DMRTA2: variants seen among roughly 807,000 people sequenced by gnomAD.
The protein encoded by DMRTA2 is doublesex- and mab-3-related transcription factor A2.
DMRTA2 carries 10 observed loss-of-function variants against 29.7 expected under a neutral mutation model. That is an observed-to-expected ratio of 0.34 (90% confidence interval 0.21 to 0.57). The LOEUF (loss-of-function observed/expected upper bound fraction) is 0.57. Ranked by LOEUF, DMRTA2 falls within the 20% of genes least tolerant of loss-of-function variation. DMRTA2 has a pLI of 0.87. For synonymous variants in DMRTA2, 469 were observed against 402.6 expected (o/e 1.16, Z -1.97); for missense variants, 783 against 812.1 (o/e 0.96, Z 0.44).
At position 50,421,106 on chromosome 1, in the gene DMRTA2, G is replaced by A; in HGVS notation, c.431C>T (p.Ala144Val). ...GGGCCTCGGGGGGATGATGCCGTTG[G>A]CGGCGGCCAGCGCCAGCCCCTCGGC... ...GTAEGLALAA[A>V]NGIIPPRPAY... The change falls in exon 2 of 3, where the codon GCC becomes GTC. Residue 144 changes from alanine (A) to valine (V), a missense_variant. By Grantham distance (64) the Ala-to-Val change is moderately conservative. Around this residue, in one of 3 missense-constraint regions of DMRTA2, gnomAD observed 667 missense variants for 624.8 expected, o/e 1.07. Coordinates refer to ENST00000404795, the MANE Select transcript of DMRTA2 (RefSeq NM_032110.3). The surrounding 1 kb of genome is among the most constrained non-coding windows in gnomAD (Gnocchi z 8.7). The A allele has an allele frequency of 6.6e-7, 1 of 1,525,052 alleles. No individual in the cohort carries two copies. Among genetic ancestry groups the A allele is most frequent in the South Asian group, 1.2e-5 (1 of 82,618 alleles). The allele number at this position is 1,525,052 out of a possible 1,614,324, so 94.5% of individuals were successfully genotyped here.
rs113089675 is a variant in DMRTA2, at chr1:50,420,539, GAACCTAGGGCGTCTCAA to G, written c.559+422_559+438del. On this transcript the variant is annotated intron_variant, in intron 2 of 2. Coordinates refer to ENST00000404795, the MANE Select transcript of DMRTA2 (RefSeq NM_032110.3). The surrounding 1 kb of genome is among the most constrained non-coding windows in gnomAD (Gnocchi z 4.1). ...GGGGAAAAGAAACTAGGGCGTCTCA[GAACCTAGGGCGTCTCAA>G]AACCTAGGGTGTCAGTTAAAGGGGG... Among the ~76,000 whole-genome samples, 1,827 of 152,120 alleles carry G rather than the reference GAACCTAGGGCGTCTCAA, an allele frequency of 0.012. 30 individuals carry two copies. Among genetic ancestry groups the G allele is most frequent in the African/African-American group, 0.038 (1,584 of 41,432 alleles).
At position 50,418,645 on chromosome 1, in the gene DMRTA2, C is replaced by G. The variant is rs1044899089; in HGVS notation, c.*20G>C. ...CTGGGGTTCCTGTTTGGGGACCGGC[C>G]GGCTGCCAGGCCCCTCGCCCTACTG... On this transcript the variant is annotated 3_prime_UTR_variant, in exon 3 of 3. Coordinates refer to ENST00000404795, the MANE Select transcript of DMRTA2 (RefSeq NM_032110.3). The G allele has an allele frequency of 4.4e-6, 6 of 1,369,510 alleles. No individual in the cohort carries two copies. The South Asian group carries it at 5.3e-5, about 12-fold the overall frequency. 84.8% of individuals were successfully genotyped at this position (1,369,510 alleles called of 1,614,324 possible).
chr1:50,422,454 G>T lies in DMRTA2; in HGVS notation c.-9+662C>A, dbSNP rs1282422192. Among the ~76,000 whole-genome samples, 1 of 152,176 alleles carries T rather than the reference G, an allele frequency of 6.6e-6. No individual in the cohort carries two copies. Among genetic ancestry groups the T allele is most frequent in the Non-Finnish European group, 1.5e-5 (1 of 68,036 alleles). ...CTGATCTGGGTGTCCGGGATCCAGG[G>T]GCCGCGCCTGGGAGAGGGGAATGTG... On this transcript the variant is annotated intron_variant, in intron 1 of 2. Transcript: ENST00000404795. This position sits in a 1 kb window ranked among gnomAD's most constrained non-coding sequence, Gnocchi z 5.7.
rs1646036507 is a variant in DMRTA2, at chr1:50,421,306, G to C, written c.231C>G (p.Gly77=). Residue 77 remains glycine (G), a synonymous_variant, in exon 2 of 3, where the codon GGC becomes GGG. Transcript: ENST00000404795. The surrounding 1 kb of genome is among the most constrained non-coding windows in gnomAD (Gnocchi z 8.7). ...TGTGGCCCTTGAGGGCCGACACCAC[G>C]CCATGGTTGCGACAGCGCGCGCACT... ...TPKCARCRNH[G]VVSALKGHKR... is the part of the protein sequence containing the mutation. The C allele has an allele frequency of 6.5e-7, 1 of 1,531,268 alleles. No individual in the cohort carries two copies. Among genetic ancestry groups the C allele is most frequent in the East Asian group, 2.6e-5 (1 of 37,910 alleles). The allele number at this position is 1,531,268 out of a possible 1,614,324, so 94.9% of individuals were successfully genotyped here. A position where few individuals can be genotyped will look rare whatever the true frequency, so the allele number is the denominator to read the frequency against.
chr1:50,421,079 G>A lies in DMRTA2; in HGVS notation c.458C>T (p.Ala153Val). 6.6e-7 allele frequency: 1 copy of A among 1,522,228 alleles called. No individual in the cohort carries two copies. Among genetic ancestry groups the A allele is most frequent in the Non-Finnish European group, 8.8e-7 (1 of 1,140,292 alleles). The allele number at this position is 1,522,228 out of a possible 1,614,324, so 94.3% of individuals were successfully genotyped here. The change falls in exon 2 of 3, where the codon GCC becomes GTC. Residue 153 changes from alanine to valine, a missense_variant. By Grantham distance (64) the Ala-to-Val change is moderately conservative. Coordinates refer to ENST00000404795, the MANE Select transcript of DMRTA2 (RefSeq NM_032110.3). The surrounding 1 kb of genome is among the most constrained non-coding windows in gnomAD (Gnocchi z 8.7). The stretch of plus-strand genomic sequence containing the variant: ...GCACACTGAACCGAAGACCTCGTAG[G>A]CGGGCCTCGGGGGGATGATGCCGTT... ...AANGIIPPRP[A>V]YEVFGSVCAA...
rs1557939588 is a variant in DMRTA2 at position 50,419,107 on chromosome 1, G to A, written c.1187C>T (p.Ala396Val). The A allele has an allele frequency of 1.3e-6, 1 of 783,304 alleles. No individual in the cohort carries two copies. Among genetic ancestry groups the A allele is most frequent in the East Asian group, 6.2e-5 (1 of 16,208 alleles). 48.5% of individuals were successfully genotyped at this position (783,304 alleles called of 1,614,324 possible). ...RVDAAAAAAA[A>V]AGGPGLPAPL... ...CGCAGGCAGCCCAGGCCCCCCGGCG[G>A]CGGCGGCGGCGGCGGCGGCGGCGTC... The change falls in exon 3 of 3, where the codon GCC becomes GTC. Residue 396 changes from alanine (A) to valine (V), a missense_variant. Ala to Val is a moderately conservative substitution (Grantham distance 64). Transcript: ENST00000404795. This position sits in a 1 kb window ranked among gnomAD's most constrained non-coding sequence, Gnocchi z 6.1.
Position 50,418,992 on chromosome 1 carries a change from G to A in DMRTA2, c.1302C>T (p.Ser434=). 1 of 1,422,750 alleles carries A rather than the reference G, an allele frequency of 7.0e-7. No individual in the cohort carries two copies. Among genetic ancestry groups the A allele is most frequent in the Non-Finnish European group, 9.1e-7 (1 of 1,094,056 alleles). The allele number at this position is 1,422,750 out of a possible 1,614,324, so 88.1% of individuals were successfully genotyped here. A position where few individuals can be genotyped will look rare whatever the true frequency, so the allele number is the denominator to read the frequency against. Residue 434 remains serine (S), a synonymous_variant, in exon 3 of 3, where the codon AGC becomes AGT. Coordinates refer to ENST00000404795, the MANE Select transcript of DMRTA2 (RefSeq NM_032110.3). ...GCTGCAGCGGCGAGAAGGCCGAGCGGCTGCTCAGCGAGCCCAGCGCCCCAG... is the reference window on the plus strand; with the variant it reads ...GCTGCAGCGGCGAGAAGGCCGAGCGACTGCTCAGCGAGCCCAGCGCCCCAG... The part of the protein sequence containing the change: ...MAPGALGSLS[S]RSAFSPLQPN...
chr1:50,418,434 A>G lies in DMRTA2; in HGVS notation c.*231T>C. ...AAGAGGGATCCGGAGGTAGGAGATG[A>G]GGACCCAGGCCGCGCACCCCCTCCG... On this transcript the variant is annotated 3_prime_UTR_variant, in exon 3 of 3. Coordinates refer to ENST00000404795, the MANE Select transcript of DMRTA2 (RefSeq NM_032110.3). The G allele has an allele frequency of 5.2e-6, 2 of 383,386 alleles. No individual in the cohort carries two copies. Among genetic ancestry groups the G allele is most frequent in the South Asian group, 1.4e-4 (1 of 7,010 alleles). 23.7% of individuals were successfully genotyped at this position (383,386 alleles called of 1,614,324 possible). A position where few individuals can be genotyped will look rare whatever the true frequency, so the allele number is the denominator to read the frequency against.
rs1210654237 is a variant in DMRTA2 at position 50,421,354 on chromosome 1, G to C, written c.183C>G (p.Ala61=). The C allele has an allele frequency of 4.0e-6, 6 of 1,517,698 alleles. No individual in the cohort carries two copies. Among genetic ancestry groups the C allele is most frequent in the Non-Finnish European group, 5.3e-6 (6 of 1,133,072 alleles). The allele number at this position is 1,517,698 out of a possible 1,614,324, so 94.0% of individuals were successfully genotyped here. A position where few individuals can be genotyped will look rare whatever the true frequency, so the allele number is the denominator to read the frequency against. The change falls in exon 2 of 3, where the codon GCC becomes GCG. Residue 61 remains alanine (A), a synonymous_variant. Coordinates refer to ENST00000404795, the MANE Select transcript of DMRTA2 (RefSeq NM_032110.3). This position sits in a 1 kb window ranked among gnomAD's most constrained non-coding sequence, Gnocchi z 8.7. The part of the protein sequence containing the change: ...LRGPPLLLRA[A]EKYPRTPKCA... Reference sequence around the variant, plus strand: ...ACTTGGGGGTCCGCGGGTACTTCTCGGCTGCCCGCAGCAACAGTGGCGGCC... The same window carrying C: ...ACTTGGGGGTCCGCGGGTACTTCTCCGCTGCCCGCAGCAACAGTGGCGGCC...
Position 50,419,071 on chromosome 1 carries a change from G to A in DMRTA2, c.1223C>T (p.Ala408Val), listed in dbSNP as rs1374421815. 7 of 1,265,348 alleles carry A rather than the reference G, an allele frequency of 5.5e-6. No individual in the cohort carries two copies. Among genetic ancestry groups the A allele is most frequent in the East Asian group, 3.4e-5 (1 of 29,148 alleles). The allele number at this position is 1,265,348 out of a possible 1,614,324, so 78.4% of individuals were successfully genotyped here. The change falls in exon 3 of 3, where the codon GCG (alanine) becomes GTG (valine). Residue 408 changes from alanine (A) to valine (V), a missense_variant. By Grantham distance (64) the Ala-to-Val change is moderately conservative (BLOSUM62 0). This residue lies in a region of DMRTA2 where 667 missense variants were observed against 624.8 expected (regional missense o/e 1.07). Coordinates refer to ENST00000404795, the MANE Select transcript of DMRTA2 (RefSeq NM_032110.3). The surrounding 1 kb of genome is among the most constrained non-coding windows in gnomAD (Gnocchi z 6.1). Reference sequence around the variant, plus strand: ...GTGGTGCGGAGGTGCGGCGGGCCCCGCCTGCAGCGGCGCAGGCAGCCCAGG... The same window carrying A: ...GTGGTGCGGAGGTGCGGCGGGCCCCACCTGCAGCGGCGCAGGCAGCCCAGG... ...GGPGLPAPLQ[A>V]GPAAPPHHRP...
chr1:50,418,731 G>A lies in DMRTA2; in HGVS notation c.1563C>T (p.His521=). ...GGCCGCCGCCGTAGGTCGGCTCCTT[G>A]TGCACCGCCGCAGCAGCGGCGGCCG... ...DRSAAAAAAV[H]KEPTYGGGLY... Residue 521 remains histidine, a synonymous_variant, in exon 3 of 3, where the codon CAC becomes CAT. Coordinates refer to ENST00000404795, the MANE Select transcript of DMRTA2 (RefSeq NM_032110.3). 1.3e-6 allele frequency: 2 copies of A among 1,546,544 alleles called. No individual in the cohort carries two copies. Among genetic ancestry groups the A allele is most frequent in the Non-Finnish European group, 1.7e-6 (2 of 1,150,794 alleles).
rs187669043 is a variant in DMRTA2, at chr1:50,422,041, G to A, written c.-8-497C>T. Among the ~76,000 whole-genome samples, 1 of 152,230 alleles carries A rather than the reference G, an allele frequency of 6.6e-6. No individual in the cohort carries two copies. Among genetic ancestry groups the A allele is most frequent in the Non-Finnish European group, 1.5e-5 (1 of 68,048 alleles). On this transcript the variant is annotated intron_variant, in intron 1 of 2. Coordinates refer to ENST00000404795, the MANE Select transcript of DMRTA2 (RefSeq NM_032110.3). This position sits in a 1 kb window ranked among gnomAD's most constrained non-coding sequence, Gnocchi z 5.7. Reference sequence around the variant, plus strand: ...GAGCAAAACGGTCAGTTTGGTGGAAGGGTGAAGAGGAGAGAGATGTGAAGG... The same window carrying A: ...GAGCAAAACGGTCAGTTTGGTGGAAAGGTGAAGAGGAGAGAGATGTGAAGG...
Position 50,423,309 on chromosome 1 carries a change from G to C in DMRTA2, c.-202C>G, listed in dbSNP as rs768635808. On this transcript the variant is annotated 5_prime_UTR_variant, in exon 1 of 3. Coordinates refer to ENST00000404795, the MANE Select transcript of DMRTA2 (RefSeq NM_032110.3). ...AGTCCAACCCTCCCTTCAGAAATCCGGGTCGGAGGCTCGTCTGCGGGCCGC... is the reference window on the plus strand; with the variant it reads ...AGTCCAACCCTCCCTTCAGAAATCCCGGTCGGAGGCTCGTCTGCGGGCCGC... The C allele has an allele frequency of 1.2e-4, 19 of 152,216 alleles. No homozygotes were observed. The highest frequency in any genetic ancestry group is 2.2e-4 in the Non-Finnish European group (15 of 68,044). 9.4% of individuals were successfully genotyped at this position (152,216 alleles called of 1,614,324 possible).
chr1:50,419,583 T>G lies in DMRTA2; in HGVS notation c.711A>C (p.Ser237=). The change falls in exon 3 of 3, where the codon TCA becomes TCC. Residue 237 remains serine (S), a synonymous_variant. Transcript: ENST00000404795. The surrounding 1 kb of genome is among the most constrained non-coding windows in gnomAD (Gnocchi z 6.1). Reference sequence around the variant, plus strand: ...ACTCGCCATCGCCGTTCTCCGAGCCTGAGCCGGGCCGCACCTCTGGGGACG... The same window carrying G: ...ACTCGCCATCGCCGTTCTCCGAGCCGGAGCCGGGCCGCACCTCTGGGGACG... ...GTSSPEVRPG[S]GSENGDGESF... The G allele has an allele frequency of 7.7e-6, 12 of 1,555,536 alleles. No homozygotes were observed. The highest frequency in any genetic ancestry group is 1.0e-5 in the Non-Finnish European group (12 of 1,152,028).
Position 50,419,531 on chromosome 1 carries a change from C to G in DMRTA2, c.763G>C (p.Ala255Pro). The G allele has an allele frequency of 6.3e-7, 1 of 1,584,846 alleles. No homozygotes were observed. The highest frequency in any genetic ancestry group is 8.6e-7 in the Non-Finnish European group (1 of 1,168,414). The change falls in exon 3 of 3, where the codon GCC (alanine) becomes CCC (proline). Residue 255 changes from alanine (A) to proline (P), a missense_variant. By Grantham distance (27) the Ala-to-Pro change is conservative (BLOSUM62 -1). This residue lies in a region of DMRTA2 where 667 missense variants were observed against 624.8 expected (regional missense o/e 1.07). Coordinates refer to ENST00000404795, the MANE Select transcript of DMRTA2 (RefSeq NM_032110.3). The surrounding 1 kb of genome is among the most constrained non-coding windows in gnomAD (Gnocchi z 6.1). ...CAGCTGCCACCTGCCTCTTTGGAGG[C>G]CCGAGCTAGGGGCGAACCAGAAAAG... ...ESFSGSPLAR[A>P]SKEAGGSCPG...
At position 50,418,801 on chromosome 1, in the gene DMRTA2, C is replaced by T. The variant is rs755577114; in HGVS notation, c.1493G>A (p.Arg498His). ...GCTAAAGGCGTAGTCCATGGGTGGG[C>T]GGAAGCCGAGCGTGGGCACCAAGCC... The part of the protein sequence containing the change: ...TAGLVPTLGF[R>H]PPMDYAFSDL... Residue 498 changes from arginine (R) to histidine (H), a missense_variant, in exon 3 of 3, where the codon CGC becomes CAC. Physicochemically the swap from Arg to His is conservative, Grantham distance 29. Coordinates refer to ENST00000404795, the MANE Select transcript of DMRTA2 (RefSeq NM_032110.3). 17 of 1,586,712 alleles carry T rather than the reference C, an allele frequency of 1.1e-5. No homozygotes were observed. Among genetic ancestry groups the T allele is most frequent in the Middle Eastern group, 1.7e-4 (1 of 5,874 alleles).
At position 50,419,378 on chromosome 1, in the gene DMRTA2, C is replaced by T. The variant is rs1471012152; in HGVS notation, c.916G>A (p.Gly306Ser). 6.3e-7 allele frequency: 1 copy of T among 1,596,856 alleles called. No individual in the cohort carries two copies. Among genetic ancestry groups the T allele is most frequent in the East Asian group, 2.2e-5 (1 of 44,776 alleles). ...EGEAAPAPGL[G>S]GGSGPRQRTP... ...CGCTGCCGTGGACCCGAGCCTCCGCCCAGCCCTGGCGCCGGCGCGGCCTCA... is the reference window on the plus strand; with the variant it reads ...CGCTGCCGTGGACCCGAGCCTCCGCTCAGCCCTGGCGCCGGCGCGGCCTCA... Residue 306 changes from glycine (G) to serine (S), a missense_variant, in exon 3 of 3, where the codon GGC becomes AGC. By Grantham distance (56) the Gly-to-Ser change is moderately conservative. Around this residue, in one of 3 missense-constraint regions of DMRTA2, gnomAD observed 667 missense variants for 624.8 expected, o/e 1.07. Coordinates refer to ENST00000404795, the MANE Select transcript of DMRTA2 (RefSeq NM_032110.3). This position sits in a 1 kb window ranked among gnomAD's most constrained non-coding sequence, Gnocchi z 6.1.
Position 50,421,607 on chromosome 1 carries a change from A to T in DMRTA2, c.-8-63T>A. ...TGAGGAGCACACCGCGCGCTAGGCCAAAGCGCCGCCTTGAGGAACCCAAGC... is the reference window on the plus strand; with the variant it reads ...TGAGGAGCACACCGCGCGCTAGGCCTAAGCGCCGCCTTGAGGAACCCAAGC... On this transcript the variant is annotated intron_variant, in intron 1 of 2. Coordinates refer to ENST00000404795, the MANE Select transcript of DMRTA2 (RefSeq NM_032110.3). The surrounding 1 kb of genome is among the most constrained non-coding windows in gnomAD (Gnocchi z 8.7). 8.2e-7 allele frequency: 1 copy of T among 1,212,346 alleles called. No individual in the cohort carries two copies. The allele number at this position is 1,212,346 out of a possible 1,614,324, so 75.1% of individuals were successfully genotyped here. A position where few individuals can be genotyped will look rare whatever the true frequency, so the allele number is the denominator to read the frequency against.
Position 50,421,344 on chromosome 1 carries a change from G to C in DMRTA2, c.193C>G (p.Pro65Ala). The change falls in exon 2 of 3, where the codon CCG becomes GCG. Residue 65 changes from proline (P) to alanine (A), a missense_variant. Coordinates refer to ENST00000404795, the MANE Select transcript of DMRTA2 (RefSeq NM_032110.3). This position sits in a 1 kb window ranked among gnomAD's most constrained non-coding sequence, Gnocchi z 8.7. The part of the protein sequence containing the change: ...PLLLRAAEKY[P>A]RTPKCARCRN... Reference sequence around the variant, plus strand: ...CAGCGCGCGCACTTGGGGGTCCGCGGGTACTTCTCGGCTGCCCGCAGCAAC... The same window carrying C: ...CAGCGCGCGCACTTGGGGGTCCGCGCGTACTTCTCGGCTGCCCGCAGCAAC... 1.3e-6 allele frequency: 2 copies of C among 1,525,290 alleles called. No individual in the cohort carries two copies. The highest frequency in any genetic ancestry group is 1.8e-6 in the Non-Finnish European group (2 of 1,136,278). 94.5% of individuals were successfully genotyped at this position (1,525,290 alleles called of 1,614,324 possible).
Sources: gnomAD v4.1 joint callset for allele counts (sites outside exome capture counted in the v4.1 genomes callset) on GRCh38, gnomAD v4.1.1 for gene constraint, gnomAD v4.1.1 regional missense constraint, Gnocchi (gnomAD v3.1) non-coding constraint, MANE v1.5 for transcripts, NCBI Gene and HGNC (gene_info 2026-07-23, HGNC 2026-07-21) for gene names.